The following GNAT3 variants were observed in gnomAD, a reference collection of about 807,000 sequenced individuals.
GNAT3 encodes guanine nucleotide-binding protein G(t) subunit alpha-3.
GNAT3 carries 31 observed loss-of-function variants against 37.7 expected under a neutral mutation model. The observed-to-expected ratio is 0.82, with a 90% confidence interval of 0.62 to 1.11. The LOEUF (loss-of-function observed/expected upper bound fraction) is 1.11. Among genes scored for constraint, GNAT3 ranks in the 50% most tolerant of loss-of-function variants. The probability of loss-of-function intolerance (pLI) is 0.00; values close to 1 mark genes in which losing one functional copy is unlikely to be tolerated. For synonymous variants in GNAT3, 138 were observed against 139.8 expected (o/e 0.99, Z 0.09); for missense variants, 437 against 412.5 (o/e 1.06, Z -0.51).
intron 4 of GNAT3, among the ~76,000 whole-genome samples, chr7:80,478,490 T>A (rs11983825): frequency 0.057 from 8,720 of 152,184 alleles, 733 homozygotes; most frequent in African/African-American, 0.19. Context: ...TGGATAGAGA[T>A]GAAATGAATA....
At chr7:80,467,518 G>C (rs559642345) in intron 5 of GNAT3, among the ~76,000 whole-genome samples, 1 of 152,060 alleles carries the variant, frequency 6.6e-6, no homozygotes, top group Admixed American at 6.6e-5. Context: ...TGCTAATATT[G>C]TAGTCATTTA....
intron 3 of GNAT3, chr7:80,487,705 G>A (rs190986514): frequency 1.1e-4 from 16 of 152,092 alleles, no homozygotes; most frequent in Middle Eastern, 3.4e-3. Context: ...CAAGAATTAC[G>A]TTGGTAGGCA....
At chr7:80,463,719 C>G (rs989611414) in intron 5 of GNAT3, among the ~76,000 whole-genome samples, 2 of 151,888 alleles carry the variant, frequency 1.3e-5, no homozygotes, top group East Asian at 3.9e-4. Flanking sequence ...GTTCCTGGCA[C>G]CATGCCCAAC....
At chr7:80,508,811 C>T (rs543519563) in intron 1 of GNAT3, among the ~76,000 whole-genome samples, 16 of 152,032 alleles carry the variant, frequency 1.1e-4, no homozygotes, top group Non-Finnish European at 1.8e-4. Flanking sequence ...TGGTTACATC[C>T]GCTTTGCAGT....
chr7:80,484,475 T>C (rs1267900449), intron 3 of GNAT3, among the ~76,000 whole-genome samples: 1 of 152,100 alleles, frequency 6.6e-6, no homozygotes, highest in Non-Finnish European at 1.5e-5. Context: ...TTGGTTCATA[T>C]TGTAGAGTTT....
intron 3 of GNAT3, among the ~76,000 whole-genome samples, chr7:80,483,305 C>T (rs1412473424): frequency 6.6e-6 from 1 of 151,930 alleles, no homozygotes; most frequent in East Asian, 1.9e-4. Context: ...TGATGTTCTT[C>T]TGTGCTTATT....
chr7:80,472,567 C>A (rs527973277), intron 5 of GNAT3, among the ~76,000 whole-genome samples: 3 of 152,212 alleles, frequency 2.0e-5, no homozygotes, highest in South Asian at 4.1e-4. Context: ...AGAACAGATA[C>A]ATAAACAAGA....
intron 5 of GNAT3, among the ~76,000 whole-genome samples, chr7:80,467,958 G>T (rs58460985): frequency 0.05 from 7,521 of 151,646 alleles, 288 homozygotes; most frequent in African/African-American, 0.11. Context: ...TTTTTTTTAA[G>T]GAGGGATAAT....
chr7:80,491,176 T>A (rs1490248647), intron 2 of GNAT3, among the ~76,000 whole-genome samples: 3 of 152,164 alleles, frequency 2.0e-5, no homozygotes, highest in Admixed American at 6.6e-5. Flanking sequence ...ATCAATGACA[T>A]GTTTGGAGAC....
chr7:80,504,835 C>G (rs1409500305), intron 1 of GNAT3, among the ~76,000 whole-genome samples: 1 of 151,746 alleles, frequency 6.6e-6, no homozygotes, highest in African/African-American at 2.4e-5. Flanking sequence ...TAGTGATCAT[C>G]TAGGGTGAGG....
chr7:80,499,360 T>C (rs767146483), intron 1 of GNAT3, among the ~76,000 whole-genome samples: 8 of 152,200 alleles, frequency 5.3e-5, no homozygotes, highest in Non-Finnish European at 8.8e-5. Flanking sequence ...GCATTTTTTA[T>C]AAATTAGTAT....
intron 1 of GNAT3, among the ~76,000 whole-genome samples, chr7:80,511,302 A>C (rs1297567767): frequency 6.6e-6 from 1 of 152,148 alleles, no homozygotes; most frequent in Non-Finnish European, 1.5e-5. Flanking sequence ...AGCCTAAGTA[A>C]TATTGTTAAT....
chr7:80,477,130 TAAAGG>T (rs962408437), intron 4 of GNAT3, among the ~76,000 whole-genome samples: 2 of 152,080 alleles, frequency 1.3e-5, no homozygotes, highest in African/African-American at 4.8e-5. Context: ...AGTATTTAAA[TAAAGG>T]AAAAAGCTAA....
intron 3 of GNAT3, among the ~76,000 whole-genome samples, chr7:80,483,741 C>T (rs561844084): frequency 1.1e-3 from 164 of 152,126 alleles, no homozygotes; most frequent in African/African-American, 3.5e-3. Context: ...CCATGTCCTT[C>T]GGTGGTTCAC....
rs374696968 is a variant in GNAT3, at chr7:80,483,933, TTCTC to T, written c.303+4598_303+4601del. Among the ~76,000 whole-genome samples, 12 of 151,640 alleles carry T rather than the reference TTCTC, an allele frequency of 7.9e-5. No individual in the cohort carries two copies. In the East Asian group the frequency reaches 2.3e-3, roughly 29 times the overall value. On this transcript the variant is annotated intron_variant, in intron 3 of 7. Transcript: ENST00000398291. ...ATTACAGTGGGCCTGGAATGGCTCATTCTCTCTCTCTCTCTCTTTAAAGAATATT... is the reference window on the plus strand; with the variant it reads ...ATTACAGTGGGCCTGGAATGGCTCATTCTCTCTCTCTCTTTAAAGAATATT...
At chr7:80,502,000 C>T (rs1790842160) in intron 1 of GNAT3, among the ~76,000 whole-genome samples, 1 of 151,706 alleles carries the variant, frequency 6.6e-6, no homozygotes, top group African/African-American at 2.4e-5. Flanking sequence ...TTAGATATTC[C>T]AACTTTCCAT....
At chr7:80,504,156 A>T (rs2116227598) in intron 1 of GNAT3, among the ~76,000 whole-genome samples, 2 of 152,256 alleles carry the variant, frequency 1.3e-5, no homozygotes, top group Middle Eastern at 6.8e-3. Context: ...TCTCTACAAA[A>T]AATAGGAAAA....
At chr7:80,466,965 A>C (rs753538570) in intron 5 of GNAT3, among the ~76,000 whole-genome samples, 3 of 152,176 alleles carry the variant, frequency 2.0e-5, no homozygotes, top group Non-Finnish European at 2.9e-5. Flanking sequence ...CTGAAAAATA[A>C]ATTCTAATCC....
intron 7 of GNAT3, among the ~76,000 whole-genome samples, chr7:80,459,928 GT>G (rs1790021221): frequency 6.6e-6 from 1 of 152,186 alleles, no homozygotes; most frequent in Admixed American, 6.5e-5. Flanking sequence ...CAATTTGGCA[GT>G]TTCTTACAAA....
Sources: allele counts gnomAD v4.1 joint callset (sites outside exome capture counted in the v4.1 genomes callset), GRCh38; gene constraint gnomAD v4.1.1; transcripts MANE v1.5; gene names NCBI Gene and HGNC (gene_info 2026-07-23, HGNC 2026-07-21).